The following DMD variants were observed in gnomAD, a reference collection of about 807,000 sequenced individuals.
The protein encoded by DMD is dystrophin.
In DMD, 63 loss-of-function variants were observed where a neutral mutation model predicts 330.1. That is an observed-to-expected ratio of 0.19 (90% confidence interval 0.16 to 0.24). DMD has a LOEUF of 0.24. Among genes scored for constraint, DMD ranks in the 10% least tolerant of loss-of-function variants. The pLI is 1.00. For missense variants in DMD, 3,344 were observed against 2,684.1 expected (o/e 1.25, Z -5.43); for synonymous variants, 1,223 against 959.8 (o/e 1.27, Z -5.07).
chrX:32,268,034 G>A (rs925279156), intron 43 of DMD, among the ~76,000 whole-genome samples: 2 of 112,205 alleles, frequency 1.8e-5, no homozygotes, highest in Non-Finnish European at 3.8e-5. Context: ...ACAAGCCTCA[G>A]AATACAAAAG....
intron 62 of DMD, among the ~76,000 whole-genome samples, chrX:31,284,986 C>T (rs1335751295): frequency 1.8e-5 from 2 of 109,966 alleles, no homozygotes; most frequent in African/African-American, 6.6e-5. Context: ...TCGTGTAGAC[C>T]GAGATTTTCG....
intron 1 of DMD, among the ~76,000 whole-genome samples, chrX:33,271,789 A>C (rs1232228763): frequency 9.1e-6 from 1 of 109,754 alleles, no homozygotes; most frequent in Admixed American, 9.7e-5. Context: ...AAAAAAAAAA[A>C]ACCAAAAAAA....
At chrX:32,716,532 G>C (rs1054479287) in intron 7 of DMD, among the ~76,000 whole-genome samples, 4 of 111,547 alleles carry the variant, frequency 3.6e-5, no homozygotes, top group South Asian at 7.6e-4. Context: ...GTAGTTTATA[G>C]CAATGCGAGA....
intron 44 of DMD, among the ~76,000 whole-genome samples, chrX:32,054,093 G>C (rs1230450650): frequency 2.4e-5 from 1 of 40,911 alleles, no homozygotes; most frequent in Non-Finnish European, 4.1e-5. Flanking sequence ...GTGTGTGAGA[G>C]AGAGAGAGAG....
At chrX:33,223,221 G>C (rs2052218766) in intron 1 of DMD, among the ~76,000 whole-genome samples, 1 of 111,900 alleles carries the variant, frequency 8.9e-6, no homozygotes, top group South Asian at 3.7e-4. Flanking sequence ...TGAAATGAAA[G>C]AATCGCTTGA....
intron 9 of DMD, among the ~76,000 whole-genome samples, chrX:32,657,328 G>T (rs1244833522): frequency 9.0e-6 from 1 of 111,665 alleles, no homozygotes; most frequent in Non-Finnish European, 1.9e-5. Context: ...CAATATAAAA[G>T]ATTTCTTTTT....
At chrX:32,365,487 A>C (rs1260160406) in intron 34 of DMD, among the ~76,000 whole-genome samples, 3 of 111,056 alleles carry the variant, frequency 2.7e-5, no homozygotes, top group Non-Finnish European at 5.7e-5. Context: ...TAATTTATAC[A>C]TGTAGTGGCT....
chrX:32,706,219 C>T (rs1187777726), intron 7 of DMD, among the ~76,000 whole-genome samples: 3 of 63,735 alleles, frequency 4.7e-5, no homozygotes, highest in Non-Finnish European at 8.1e-5. Flanking sequence ...CACACCGGGG[C>T]CTGTTGTGGG....
At chrX:31,837,813 A>G (rs2093236270) in intron 48 of DMD, among the ~76,000 whole-genome samples, 1 of 112,015 alleles carries the variant, frequency 8.9e-6, no homozygotes, top group African/African-American at 3.2e-5. Context: ...ATAATCTCAT[A>G]CTGCCCAGTA....
intron 1 of DMD, among the ~76,000 whole-genome samples, chrX:33,131,206 G>C (rs1233421484): frequency 4.5e-5 from 5 of 111,052 alleles, no homozygotes; most frequent in African/African-American, 1.6e-4. Context: ...TGCTGCTGCT[G>C]CTGGTGGTCT....
chrX:32,606,781 A>C (rs1294605849), intron 12 of DMD, among the ~76,000 whole-genome samples: 1 of 87,842 alleles, frequency 1.1e-5, no homozygotes, highest in African/African-American at 5.0e-5. Context: ...ATATATACAC[A>C]CACACCACAG....
intron 29 of DMD, among the ~76,000 whole-genome samples, chrX:32,434,547 AT>A (rs1462599407): frequency 8.9e-6 from 1 of 112,681 alleles, no homozygotes; most frequent in African/African-American, 3.2e-5. Flanking sequence ...TACAACAAGA[AT>A]TTTTTAAATT....
chrX:32,393,881 A>G (rs748608655), intron 30 of DMD, among the ~76,000 whole-genome samples: 26 of 111,477 alleles, frequency 2.3e-4, no homozygotes, highest in Non-Finnish European at 4.0e-4. Flanking sequence ...AATGGGATCA[A>G]TAGTAATCAG....
intron 50 of DMD, among the ~76,000 whole-genome samples, chrX:31,791,671 T>C (rs1053082585): frequency 1.8e-5 from 2 of 112,166 alleles, no homozygotes; most frequent in Admixed American, 9.5e-5. Flanking sequence ...CAATATGCTT[T>C]CACTCTTTAC....
chrX:31,180,985 G>C (rs1404402821), intron 68 of DMD, among the ~76,000 whole-genome samples: 1 of 111,963 alleles, frequency 8.9e-6, no homozygotes, highest in Non-Finnish European at 1.9e-5. Context: ...CTTTAATAAT[G>C]TTTTCTAATT....
intron 63 of DMD, among the ~76,000 whole-genome samples, chrX:31,248,675 C>G (rs780191504): frequency 5.4e-5 from 6 of 112,023 alleles, no homozygotes; most frequent in Admixed American, 9.5e-5. Context: ...CTGTTTATTA[C>G]AGTACATTTT....
intron 17 of DMD, among the ~76,000 whole-genome samples, chrX:32,528,747 A>C (rs1487184353): frequency 9.1e-6 from 1 of 110,417 alleles, no homozygotes; most frequent in African/African-American, 3.3e-5. Flanking sequence ...TGGTATCCAC[A>C]ATGTCTTATC....
intron 2 of DMD, among the ~76,000 whole-genome samples, chrX:32,894,342 A>C (rs939464027): frequency 8.1e-5 from 9 of 111,437 alleles, no homozygotes; most frequent in African/African-American, 2.9e-4. Flanking sequence ...CATACAGGGG[A>C]GGGAATTCAG....
chrX:32,815,494 C>CATATAT (rs1557051738), intron 6 of DMD, among the ~76,000 whole-genome samples: 1,371 of 71,792 alleles, frequency 0.019, 19 homozygotes, highest in East Asian at 0.039. Flanking sequence ...CACACACAAG[C>CATATAT]ATATATATAT....
Sources: gnomAD v4.1 joint callset for allele counts (sites outside exome capture counted in the v4.1 genomes callset) on GRCh38, gnomAD v4.1.1 for gene constraint, MANE v1.5 for transcripts, NCBI Gene and HGNC (gene_info 2026-07-23, HGNC 2026-07-21) for gene names.